PKHD1: variants seen among roughly 807,000 people sequenced by gnomAD.
PKHD1 encodes PKHD1 ciliary IPT domain containing fibrocystin/polyductin.
In PKHD1, 291 loss-of-function variants were observed where a neutral mutation model predicts 412.0. The ratio of observed to expected loss-of-function variants is 0.71; its 90% CI spans 0.64 to 0.78. The LOEUF (loss-of-function observed/expected upper bound fraction) is 0.78. Ranked by LOEUF, PKHD1 falls within the 30% of genes least tolerant of loss-of-function variation. PKHD1 has a pLI of 0.00. For missense variants in PKHD1, 4,825 were observed against 4,950.7 expected (o/e 0.97, Z 0.76); for synonymous variants, 1,777 against 1,821.5 (o/e 0.98, Z 0.62).
chr6:51,852,923 T>C (rs1583038428), intron 49 of PKHD1, among the ~76,000 whole-genome samples: 1 of 152,186 alleles, frequency 6.6e-6, no homozygotes, highest in Non-Finnish European at 1.5e-5. Flanking sequence ...AAGGTTAGTA[T>C]TGTTATGTGT....
chr6:51,676,127 T>G (rs1034606843), intron 60 of PKHD1, among the ~76,000 whole-genome samples: 1 of 151,662 alleles, frequency 6.6e-6, no homozygotes. Context: ...TAACATATAT[T>G]AACTTTGTGT....
At chr6:52,051,778 C>T (rs946757447) in intron 21 of PKHD1, among the ~76,000 whole-genome samples, 6 of 128,558 alleles carry the variant, frequency 4.7e-5, no homozygotes, top group Admixed American at 2.6e-4. Flanking sequence ...ATATTGATTC[C>T]CTCAGCCTTC....
At chr6:51,919,953 C>T (rs1784434182) in intron 37 of PKHD1, among the ~76,000 whole-genome samples, 1 of 152,222 alleles carries the variant, frequency 6.6e-6, no homozygotes, top group East Asian at 1.9e-4. Context: ...TATAAGAATG[C>T]TTGTGATTTT....
intron 43 of PKHD1, among the ~76,000 whole-genome samples, chr6:51,902,658 T>C (rs988966011): frequency 6.6e-6 from 1 of 152,158 alleles, no homozygotes; most frequent in Non-Finnish European, 1.5e-5. Context: ...AGGAGTTTCC[T>C]GAAACAGTGA....
chr6:51,920,134 AT>A lies in PKHD1; in HGVS notation c.6122-7559del, dbSNP rs368044515. ...ACCCTTTATTTCTTTATCCTGCCTGATGGCCCAGGCCAGAACTTCCAACACT... is the reference window on the plus strand; with the variant it reads ...ACCCTTTATTTCTTTATCCTGCCTGAGGCCCAGGCCAGAACTTCCAACACT... On this transcript the variant is annotated intron_variant, in intron 37 of 66. Transcript: ENST00000371117. Among the ~76,000 whole-genome samples, 190 of 152,360 alleles carry A rather than the reference AT, an allele frequency of 1.2e-3. 8 individuals carry two copies. The East Asian group carries it at 0.027, about 22-fold the overall frequency.
intron 59 of PKHD1, among the ~76,000 whole-genome samples, chr6:51,745,522 C>A (rs1262272323): frequency 6.6e-6 from 1 of 152,056 alleles, no homozygotes; most frequent in Admixed American, 6.6e-5. Flanking sequence ...TGATCTTGGA[C>A]TCCCCAGCCT....
chr6:51,715,332 G>C (rs1207138992), intron 60 of PKHD1, among the ~76,000 whole-genome samples: 3 of 143,994 alleles, frequency 2.1e-5, no homozygotes, highest in African/African-American at 8.9e-5. Context: ...CCTTCATTAT[G>C]CTTCTTCCTG....
chr6:51,677,738 G>T (rs1452095179), intron 60 of PKHD1, among the ~76,000 whole-genome samples: 5 of 152,082 alleles, frequency 3.3e-5, no homozygotes, highest in Admixed American at 3.3e-4. Flanking sequence ...AATAAAAGTT[G>T]TTGCATTGAT....
At chr6:51,917,825 G>A (rs1294293843) in intron 37 of PKHD1, among the ~76,000 whole-genome samples, 1 of 152,130 alleles carries the variant, frequency 6.6e-6, no homozygotes, top group East Asian at 1.9e-4. Context: ...CCCTCCCATA[G>A]CACTTAGAGT....
Position 51,909,319 on chromosome 6 carries a change from G to A in PKHD1, c.6646C>T (p.His2216Tyr), listed in dbSNP as rs1459248210. Residue 2216 changes from histidine to tyrosine, a missense_variant, in exon 40 of 67, where the codon CAT (histidine) becomes TAT (tyrosine). His to Tyr is a moderately conservative substitution (Grantham distance 83). Coordinates refer to ENST00000371117, the MANE Select transcript of PKHD1 (RefSeq NM_138694.4). ...CCCACCAGAGTGAGTGAGCTCAGAT[G>A]CTTATGGAAGGCTTGCCCCAAGACT... ...FQVLGQAFHK[H>Y]LSSLTLVGAM... 3 of 1,613,376 alleles carry A rather than the reference G, an allele frequency of 1.9e-6. No individual in the cohort carries two copies. Among genetic ancestry groups the A allele is most frequent in the Admixed American group, 3.3e-5 (2 of 59,914 alleles).
intron 52 of PKHD1, among the ~76,000 whole-genome samples, chr6:51,804,405 A>G (rs984168051): frequency 7.5e-5 from 11 of 146,748 alleles, no homozygotes; most frequent in Non-Finnish European, 1.5e-4. Flanking sequence ...GAAATGCCAC[A>G]TAAAAAATTA....
At chr6:51,670,622 C>G (rs559313199) in intron 60 of PKHD1, among the ~76,000 whole-genome samples, 3,137 of 151,826 alleles carry the variant, frequency 0.021, 56 homozygotes, top group Non-Finnish European at 0.034. Context: ...CTCGTTAGTT[C>G]ATGCAGTTTC....
chr6:52,002,087 T>A (rs1158379597), intron 35 of PKHD1, among the ~76,000 whole-genome samples: 22 of 152,228 alleles, frequency 1.4e-4, no homozygotes, highest in Non-Finnish European at 2.6e-4. Flanking sequence ...GTTAAGAAAA[T>A]TTGCCCAAAG....
At chr6:51,986,725 C>G (rs1015819632) in intron 35 of PKHD1, among the ~76,000 whole-genome samples, 16 of 152,242 alleles carry the variant, frequency 1.1e-4, no homozygotes, top group African/African-American at 3.9e-4. Context: ...TTTCAGTTGC[C>G]TAGCAAATTA....
chr6:51,655,437 GGA>G (rs1383027470), intron 61 of PKHD1, among the ~76,000 whole-genome samples: 2 of 151,954 alleles, frequency 1.3e-5, no homozygotes, highest in Admixed American at 6.6e-5. Context: ...GCAGAATGGG[GGA>G]ACTTAAAAAG....
intron 63 of PKHD1, among the ~76,000 whole-genome samples, chr6:51,646,832 A>G (rs761613216): frequency 1.2e-4 from 18 of 152,156 alleles, no homozygotes; most frequent in Non-Finnish European, 1.8e-4. Context: ...GCCTTTTGCA[A>G]TCACTTTCCA....
rs2151263287 is a variant in PKHD1, at chr6:51,791,377, T to C, written c.8303-4A>G. 1 of 1,613,544 alleles carries C rather than the reference T, an allele frequency of 6.2e-7. No homozygotes were observed. ...GTATCCACAAGGACAGTTCTGTCTG[T>C]GGAAGAAAAAGAAATTGCTCAGATA... On this transcript the variant is annotated splice_region_variant and splice_polypyrimidine_tract_variant and intron_variant, in intron 52 of 66. Transcript: ENST00000371117.
rs1283600586 is a variant in PKHD1 at position 52,027,852 on chromosome 6, T to C, written c.3605A>G (p.Glu1202Gly). 6.2e-7 allele frequency: 1 copy of C among 1,613,406 alleles called. No individual in the cohort carries two copies. Among genetic ancestry groups the C allele is most frequent in the Middle Eastern group, 1.7e-4 (1 of 6,058 alleles). ...ACCCAGCAGGGACCCACAGCAAGGC[T>C]CGATGCTGAAAACTTCTGTGAGGTA... is the stretch of plus-strand genomic sequence containing the variant. ...IQYLTEVFSIEPCCGSLLGGT... is the reference protein window; with the variant it reads ...IQYLTEVFSIGPCCGSLLGGT... Residue 1202 changes from glutamate (E) to glycine (G), a missense_variant, in exon 31 of 67, where the codon GAG becomes GGG. Coordinates refer to ENST00000371117, the MANE Select transcript of PKHD1 (RefSeq NM_138694.4).
At chr6:52,043,780 A>G in intron 25 of PKHD1, 50 bp from the exon 26 acceptor site, 1 of 1,272,118 alleles carries the variant, frequency 7.9e-7, no homozygotes, top group Non-Finnish European at 1.2e-6. Context: ...CATATCTACC[A>G]GGGTATTCAT....
Sources: allele counts gnomAD v4.1 joint callset (sites outside exome capture counted in the v4.1 genomes callset), GRCh38; gene constraint gnomAD v4.1.1; transcripts MANE v1.5; gene names NCBI Gene and HGNC (gene_info 2026-07-23, HGNC 2026-07-21).